Variants in GORASP2 observed in about 807,000 individuals in gnomAD.
GORASP2 encodes the protein golgi reassembly stacking protein 2.
GORASP2 carries 22 observed loss-of-function variants against 45.7 expected under a neutral mutation model. The ratio of observed to expected loss-of-function variants is 0.48; its 90% CI spans 0.34 to 0.69. The LOEUF is 0.69. Among genes scored for constraint, GORASP2 ranks in the 30% least tolerant of loss-of-function variants. The probability of loss-of-function intolerance (pLI) is 0.01; values close to 1 mark genes in which losing one functional copy is unlikely to be tolerated. For synonymous variants in GORASP2, 221 were observed against 215.6 expected (o/e 1.02, Z -0.22); for missense variants, 491 against 562.7 (o/e 0.87, Z 1.29).
chr2:170,939,153 C>T (rs573620581), intron 1 of GORASP2, among the ~76,000 whole-genome samples: 2 of 152,152 alleles, frequency 1.3e-5, no homozygotes, highest in South Asian at 4.1e-4. Context: ...ACTTCAATTT[C>T]TTTCGATGTT....
intron 8 of GORASP2, among the ~76,000 whole-genome samples, chr2:170,962,567 C>T (rs781361599): frequency 7.9e-5 from 12 of 152,218 alleles, no homozygotes; most frequent in Non-Finnish European, 1.3e-4. Context: ...GGGCCATCAT[C>T]GTTCTTATTC....
chr2:170,954,569 A>T, intron 5 of GORASP2, 81 bp from the exon 6 acceptor site: 3 of 1,137,558 alleles, frequency 2.6e-6, no homozygotes, highest in Non-Finnish European at 3.8e-6. Context: ...CTCTTGGGTT[A>T]CCCGCCCCCC....
chr2:170,950,495 G>A (rs560429493), intron 4 of GORASP2, among the ~76,000 whole-genome samples: 8 of 152,250 alleles, frequency 5.3e-5, no homozygotes, highest in Admixed American at 1.3e-4. Context: ...CATACTGTGC[G>A]GCAATTGCAC....
intron 1 of GORASP2, among the ~76,000 whole-genome samples, chr2:170,946,410 A>G (rs896150244): frequency 1.3e-5 from 2 of 152,098 alleles, no homozygotes; most frequent in African/African-American, 4.8e-5. Context: ...ATTTTTTGTC[A>G]TATTTCTGTT....
In GORASP2 at chr2:170,966,224, C is replaced by A; in HGVS notation, c.*94C>A. 1.1e-6 allele frequency: 1 copy of A among 895,830 alleles called. No individual in the cohort carries two copies. The highest frequency in any genetic ancestry group is 1.8e-6 in the Non-Finnish European group (1 of 552,958). The allele number at this position is 895,830 out of a possible 1,614,324, so 55.5% of individuals were successfully genotyped here. On this transcript the variant is annotated 3_prime_UTR_variant, in exon 10 of 10. Coordinates refer to ENST00000234160, the MANE Select transcript of GORASP2 (RefSeq NM_015530.5). ...TCATTAATTTCATACTAGTTTGTAC[C>A]GTATCTGTAGGCATCCTGTAAATAA...
intron 1 of GORASP2, among the ~76,000 whole-genome samples, chr2:170,939,870 G>A (rs190634341): frequency 8.5e-5 from 13 of 152,230 alleles, no homozygotes; most frequent in African/African-American, 2.9e-4. Context: ...GATCACCTAC[G>A]CACACATATA....
intron 1 of GORASP2, chr2:170,936,609 G>T (rs1454557399): frequency 2.3e-6 from 3 of 1,290,834 alleles, no homozygotes; most frequent in East Asian, 1.1e-4. Context: ...CTGGGGTTTT[G>T]TTCTCTCTTT....
At chr2:170,957,209 C>G (rs1212328847) in intron 7 of GORASP2, among the ~76,000 whole-genome samples, 1 of 152,014 alleles carries the variant, frequency 6.6e-6, no homozygotes, top group Non-Finnish European at 1.5e-5. Context: ...ACTGAGGATG[C>G]AAAAGTGAGT....
At chr2:170,935,563 G>A (rs946916088) in intron 1 of GORASP2, among the ~76,000 whole-genome samples, 5 of 146,866 alleles carry the variant, frequency 3.4e-5, no homozygotes, top group Non-Finnish European at 3.0e-5. Context: ...CACCCCCAAC[G>A]CCCCACCTCT....
intron 1 of GORASP2, chr2:170,929,957 T>G: frequency 2.9e-6 from 1 of 347,934 alleles, no homozygotes; most frequent in Non-Finnish European, 6.0e-6. Context: ...TTCGACGGAC[T>G]TAAACAGACT....
chr2:170,964,847 C>T (rs373863018), intron 9 of GORASP2, among the ~76,000 whole-genome samples: 33 of 147,208 alleles, frequency 2.2e-4, no homozygotes, highest in African/African-American at 8.0e-4. Context: ...CCCTGCCTTT[C>T]CTTTGTTTCT....
chr2:170,928,641 A>C (rs1703736026), upstream of GORASP2: 1 of 152,242 alleles, frequency 6.6e-6, no homozygotes, highest in Non-Finnish European at 1.5e-5. Flanking sequence ...CATCGCTCTG[A>C]TTATGACCAA....
chr2:170,965,437 A>T (rs1278157577), intron 9 of GORASP2, among the ~76,000 whole-genome samples: 1 of 152,180 alleles, frequency 6.6e-6, no homozygotes, highest in African/African-American at 2.4e-5. Context: ...ATGGGTGAGC[A>T]TGAGTCCCCC....
chr2:170,929,419 GC>G lies in GORASP2; in HGVS notation c.63+17del. The G allele has an allele frequency of 7.3e-7, 1 of 1,371,058 alleles. No individual in the cohort carries two copies. Among genetic ancestry groups the G allele is most frequent in the Non-Finnish European group, 9.4e-7 (1 of 1,060,742 alleles). 84.9% of individuals were successfully genotyped at this position (1,371,058 alleles called of 1,614,324 possible). A position where few individuals can be genotyped will look rare whatever the true frequency, so the allele number is the denominator to read the frequency against. On this transcript the variant is annotated intron_variant, in intron 1 of 9. Transcript: ENST00000234160. The stretch of plus-strand genomic sequence containing the variant: ...CGTTCTGCGGGTAAGGGCTCCGACG[GC>G]GGCCGGGGAGCTGCGGGCTGGAGGC...
chr2:170,929,855 C>T (rs767433923), intron 1 of GORASP2: 18 of 448,454 alleles, frequency 4.0e-5, no homozygotes, highest in South Asian at 2.5e-4. Flanking sequence ...GCGGGGCCTG[C>T]GGCGGCAGGT....
At chr2:170,929,065 G>A (rs1017234921), upstream of GORASP2, 196 of 363,204 alleles carry the variant, frequency 5.4e-4, 2 homozygotes, top group Non-Finnish European at 1.1e-4. Context: ...CGAGCACGAC[G>A]CGGTGCCTCC....
Position 170,948,334 on chromosome 2 carries a change from GT to G in GORASP2, c.64-11del. The G allele has an allele frequency of 6.7e-6, 10 of 1,497,594 alleles. No individual in the cohort carries two copies. The highest frequency in any genetic ancestry group is 1.2e-5 in the South Asian group (1 of 85,362). 92.8% of individuals were successfully genotyped at this position (1,497,594 alleles called of 1,614,324 possible). A position where few individuals can be genotyped will look rare whatever the true frequency, so the allele number is the denominator to read the frequency against. ...AAGCTTTACATTTTTTATTTTTGTC[GT>G]TTTTGTTTCCGCAGGTACAAGAAAA... On this transcript the variant is annotated splice_polypyrimidine_tract_variant and intron_variant, in intron 1 of 9. Coordinates refer to ENST00000234160, the MANE Select transcript of GORASP2 (RefSeq NM_015530.5).
intron 4 of GORASP2, 53 bp downstream of exon 4, chr2:170,950,343 G>A: frequency 1.2e-6 from 1 of 854,018 alleles, no homozygotes; most frequent in East Asian, 2.8e-5. Flanking sequence ...TCTCATTGAG[G>A]TTTGAGTTGA....
chr2:170,933,777 G>A (rs1159869117), intron 1 of GORASP2, among the ~76,000 whole-genome samples: 2 of 152,204 alleles, frequency 1.3e-5, no homozygotes, highest in African/African-American at 4.8e-5. Context: ...TGTGTGGAGT[G>A]TGGAGACATG....
Sources: allele counts gnomAD v4.1 joint callset (sites outside exome capture counted in the v4.1 genomes callset), GRCh38; gene constraint gnomAD v4.1.1; transcripts MANE v1.5; gene names NCBI Gene and HGNC (gene_info 2026-07-23, HGNC 2026-07-21).